INSRR: variants seen among roughly 807,000 people sequenced by gnomAD.
The protein encoded by INSRR is insulin receptor related receptor, also known as insulin receptor-related protein.
INSRR carries 114 observed loss-of-function variants against 130.0 expected under a neutral mutation model. That is an observed-to-expected ratio of 0.88 (90% CI 0.75 to 1.02). The LOEUF is 1.02. Among genes scored for constraint, INSRR ranks in the 50% least tolerant of loss-of-function variants. The pLI is 0.00. For missense variants in INSRR, 1,657 were observed against 1,735.2 expected (o/e 0.95, Z 0.80); for synonymous variants, 674 against 705.2 (o/e 0.96, Z 0.70).
chr1:156,846,792 A>C, intron 7 of INSRR, 35 bp from the exon 8 acceptor site: 1 of 1,543,296 alleles, frequency 6.5e-7, no homozygotes, highest in Non-Finnish European at 9.0e-7. Context: ...GGGGTCATTC[A>C]ACCCCACCCT....
intron 19 of INSRR, 134 bp from the exon 20 acceptor site, chr1:156,841,928 G>A (rs1345939366): frequency 1.3e-6 from 2 of 1,557,836 alleles, no homozygotes; most frequent in Admixed American, 3.4e-5. Flanking sequence ...GGGCTCAATG[G>A]ACCTCAGAAC....
Position 156,841,763 on chromosome 1 carries a change from T to C in INSRR, c.3429A>G (p.Thr1143=), listed in dbSNP as rs1654795216. Residue 1143 remains threonine, a synonymous_variant, in exon 20 of 22, where the codon ACA becomes ACG. Transcript: ENST00000368195. ...CCTTCCCACCCTTGCGGTAATAGTC[T>C]GTCTCATACACGTCCCGAGTCATCC... The part of the protein sequence containing the change: ...DFGMTRDVYE[T]DYYRKGGKGL... 1.2e-6 allele frequency: 2 copies of C among 1,613,948 alleles called. No homozygotes were observed. Among genetic ancestry groups the C allele is most frequent in the African/African-American group, 1.3e-5 (1 of 74,888 alleles).
In INSRR at chr1:156,845,778, A is replaced by C. The variant is rs774395052; in HGVS notation, c.2015T>G (p.Phe672Cys). 9.9e-6 allele frequency: 16 copies of C among 1,613,032 alleles called. No individual in the cohort carries two copies. The highest frequency in any genetic ancestry group is 1.4e-5 in the Non-Finnish European group (16 of 1,179,904). Residue 672 changes from phenylalanine to cysteine, a missense_variant, in exon 10 of 22, where the codon TTC becomes TGC. Physicochemically the swap from Phe to Cys is radical, Grantham distance 205. Coordinates refer to ENST00000368195, the MANE Select transcript of INSRR (RefSeq NM_014215.3). ...CTCAGGATCCCCGTCTTCGCCGTCG[A>C]AGCGCGGATCGTTGTTGCTGGTGGG... is the stretch of plus-strand genomic sequence containing the variant. ...RLPTSNNDPRFDGEDGDPEAE... is the reference protein window; with the variant it reads ...RLPTSNNDPRCDGEDGDPEAE...
In INSRR at chr1:156,857,252, G is replaced by A. The variant is rs548403768; in HGVS notation, c.85+1285C>T. ...ACGCAGATACACACACAAAAAAGAG[G>A]GAGAGAGAATGAGAAAACACTTCTA... On this transcript the variant is annotated intron_variant, in intron 1 of 21. Coordinates refer to ENST00000368195, the MANE Select transcript of INSRR (RefSeq NM_014215.3). 3.2e-3 allele frequency among the ~76,000 whole-genome samples: 470 copies of A among 147,972 alleles called. 2 individuals are homozygous for A. The highest frequency in any genetic ancestry group is 0.023 in the South Asian group (104 of 4,520).
At position 156,851,760 on chromosome 1, in the gene INSRR, A is replaced by T. The variant is rs1238459570; in HGVS notation, c.970T>A (p.Cys324Ser). 11 of 1,612,640 alleles carry T rather than the reference A, an allele frequency of 6.8e-6. No individual in the cohort carries two copies. Among genetic ancestry groups the T allele is most frequent in the Non-Finnish European group, 8.5e-6 (10 of 1,178,896 alleles). The change falls in exon 4 of 22, where the codon TGC becomes AGC. Residue 324 changes from cysteine to serine, a missense_variant. Cys to Ser is a moderately radical substitution (Grantham distance 112, BLOSUM62 -1). Transcript: ENST00000368195. ...GTGCCTACCTTGCACTCTTTAGGGC[A>T]CAGCCCCTCGCACTTGTGGCAGAAT... Reference protein sequence around the residue: ...SIFCHKCEGLCPKECKVGTKT... With the variant: ...SIFCHKCEGLSPKECKVGTKT...
Position 156,851,210 on chromosome 1 carries a change from C to A in INSRR, c.1229+80G>T, listed in dbSNP as rs753437544. The A allele has an allele frequency of 3.2e-6, 5 of 1,558,796 alleles. No homozygotes were observed. The South Asian group carries it at 5.6e-5, about 17-fold the overall frequency. On this transcript the variant is annotated intron_variant, in intron 5 of 21. Coordinates refer to ENST00000368195, the MANE Select transcript of INSRR (RefSeq NM_014215.3). ...GTGAGTAGCAAAATTGGTTCCAGAG[C>A]CCATTCTCTTCACCACTGTTCTGGG...
Position 156,858,510 on chromosome 1 carries a change from G to A in INSRR, c.85+27C>T, listed in dbSNP as rs773834099. 4 of 1,590,030 alleles carry A rather than the reference G, an allele frequency of 2.5e-6. No individual in the cohort carries two copies. In the East Asian group the frequency reaches 8.9e-5, roughly 36 times the overall value. ...CCAGCTGGCTGGGAGGGAGGTAGGGGTCTGGGAGCCAGTTCTGGGGACTCA... is the reference window on the plus strand; with the variant it reads ...CCAGCTGGCTGGGAGGGAGGTAGGGATCTGGGAGCCAGTTCTGGGGACTCA... On this transcript the variant is annotated intron_variant, in intron 1 of 21. Transcript: ENST00000368195.
In INSRR at chr1:156,854,208, A is replaced by T. The variant is rs931128844; in HGVS notation, c.181T>A (p.Phe61Ile). 7 of 1,613,938 alleles carry T rather than the reference A, an allele frequency of 4.3e-6. No individual in the cohort carries two copies. Among genetic ancestry groups the T allele is most frequent in the African/African-American group, 1.3e-5 (1 of 74,940 alleles). ...CGGAAGTCCTCCCCGGTGGCTGTGA[A>T]CATGAGCAGGATCTGCAGGTGGCCC... is the stretch of plus-strand genomic sequence containing the variant. ...VEGHLQILLM[F>I]TATGEDFRGL... is the part of the protein sequence containing the mutation. Residue 61 changes from phenylalanine (F) to isoleucine (I), a missense_variant, in exon 2 of 22, where the codon TTC becomes ATC. Transcript: ENST00000368195. This position sits in a 1 kb window ranked among gnomAD's most constrained non-coding sequence, Gnocchi z 4.2.
In INSRR at chr1:156,840,313, T is replaced by G. The variant is rs1387543314; in HGVS notation, c.*560A>C. ...GGCAGGGCAAAAGGAGAGGAGGAGG[T>G]GAGGGCGGGCAGGCTGGGAACCACT... is the stretch of plus-strand genomic sequence containing the variant. On this transcript the variant is annotated 3_prime_UTR_variant, in exon 22 of 22. Transcript: ENST00000368195. The G allele has an allele frequency of 4.4e-5, 7 of 157,500 alleles. No individual in the cohort carries two copies. Among genetic ancestry groups the G allele is most frequent in the African/African-American group, 9.8e-5 (4 of 40,890 alleles). 9.8% of individuals were successfully genotyped at this position (157,500 alleles called of 1,614,324 possible).
chr1:156,843,153 C>A lies in INSRR; in HGVS notation c.2977G>T (p.Val993Leu), dbSNP rs1571657350. The stretch of plus-strand genomic sequence containing the variant: ...AGTCCTCGTGCCAGCCCCTCATATA[C>A]CATCCCAAAAGAGCCCTGGCCCAGT... ...RELGQGSFGM[V>L]YEGLARGLEA... is the part of the protein sequence containing the mutation. The change falls in exon 17 of 22, where the codon GTA becomes TTA. Residue 993 changes from valine to leucine, a missense_variant. Coordinates refer to ENST00000368195, the MANE Select transcript of INSRR (RefSeq NM_014215.3). 11 of 1,614,158 alleles carry A rather than the reference C, an allele frequency of 6.8e-6. 1 individual carries two copies. In the East Asian group the frequency reaches 2.5e-4, roughly 36 times the overall value.
chr1:156,854,205 T>C lies in INSRR; in HGVS notation c.184A>G (p.Thr62Ala). Residue 62 changes from threonine (T) to alanine (A), a missense_variant, in exon 2 of 22, where the codon ACA becomes GCA. By Grantham distance (58) the Thr-to-Ala change is moderately conservative (BLOSUM62 0). Coordinates refer to ENST00000368195, the MANE Select transcript of INSRR (RefSeq NM_014215.3). This position sits in a 1 kb window ranked among gnomAD's most constrained non-coding sequence, Gnocchi z 4.2. The part of the protein sequence containing the change: ...EGHLQILLMF[T>A]ATGEDFRGLS... ...CCGCGGAAGTCCTCCCCGGTGGCTG[T>C]GAACATGAGCAGGATCTGCAGGTGG... 2 of 1,614,058 alleles carry C rather than the reference T, an allele frequency of 1.2e-6. No individual in the cohort carries two copies. Among genetic ancestry groups the C allele is most frequent in the Non-Finnish European group, 1.7e-6 (2 of 1,180,018 alleles).
intron 2 of INSRR, 30 bp from the exon 3 acceptor site, chr1:156,852,221 G>C (rs750287935): frequency 3.4e-5 from 53 of 1,551,344 alleles, no homozygotes; most frequent in South Asian, 8.6e-5. Flanking sequence ...TTAGACGTTG[G>C]CCATGCCCCC....
At position 156,845,621 on chromosome 1, in the gene INSRR, G is replaced by A. The variant is rs1234997363; in HGVS notation, c.2172C>T (p.Pro724=). 1 of 1,601,750 alleles carries A rather than the reference G, an allele frequency of 6.2e-7. No homozygotes were observed. The highest frequency in any genetic ancestry group is 8.5e-7 in the Non-Finnish European group (1 of 1,174,680). The change falls in exon 10 of 22, where the codon CCC becomes CCT. Residue 724 remains proline (P), a splice_region_variant and synonymous_variant. Transcript: ENST00000368195. The part of the protein sequence containing the change: ...ENFLHNAITI[P]ISPWKVTSIN... The stretch of plus-strand genomic sequence containing the variant: ...CAGGCCGCGCGCGCTCTTCGCACAT[G>A]GGGATGGTGATCGCGTTGTGTAGAA...
In INSRR at chr1:156,858,650, C is replaced by A. The variant is rs532591512; in HGVS notation, c.-29G>T. On this transcript the variant is annotated 5_prime_UTR_variant, in exon 1 of 22. Transcript: ENST00000368195. ...CCCAGCCCTGGCTTGTGTCCAGTCC[C>A]GGCTCTCCTCCCGGTGACTCTGGGG... The A allele has an allele frequency of 3.1e-6, 5 of 1,593,482 alleles. No individual in the cohort carries two copies. Among genetic ancestry groups the A allele is most frequent in the Non-Finnish European group, 4.3e-6 (5 of 1,161,254 alleles).
chr1:156,842,087 C>G, intron 19 of INSRR, 25 bp downstream of exon 19: 1 of 1,613,612 alleles, frequency 6.2e-7, no homozygotes, highest in African/African-American at 1.3e-5. Flanking sequence ...TCAGGCCGCC[C>G]TCATCTGCCT....
chr1:156,850,153 C>T (rs1050444970), intron 5 of INSRR, among the ~76,000 whole-genome samples: 1 of 151,992 alleles, frequency 6.6e-6, no homozygotes, highest in African/African-American at 2.4e-5. Context: ...CCTCCCACCT[C>T]GGCTTGCCAA....
intron 10 of INSRR, 62 bp from the exon 11 acceptor site, chr1:156,845,475 C>T (rs1654962435): frequency 2.0e-6 from 3 of 1,515,554 alleles, no homozygotes; most frequent in Middle Eastern, 2.1e-4. Flanking sequence ...CCCTCTGCAG[C>T]GCGTACCGCC....
At position 156,843,439 on chromosome 1, in the gene INSRR, T is replaced by C. The variant is rs754562798; in HGVS notation, c.2884A>G (p.Ser962Gly). ...LYASVNPEYF[S>G]ASDMYVPDEW... is the part of the protein sequence containing the mutation. ...CTCCCAGACCTACTATCAGAGGCGC[T>C]GAAGTACTCTGGATTCACAGAAGCA... Residue 962 changes from serine (S) to glycine (G), a missense_variant, in exon 16 of 22, where the codon AGC becomes GGC. By Grantham distance (56) the Ser-to-Gly change is moderately conservative (BLOSUM62 0). Coordinates refer to ENST00000368195, the MANE Select transcript of INSRR (RefSeq NM_014215.3). The C allele has an allele frequency of 5.6e-6, 9 of 1,614,064 alleles. No homozygotes were observed. The highest frequency in any genetic ancestry group is 1.3e-5 in the African/African-American group (1 of 74,920).
rs1385295440 is a variant in INSRR, at chr1:156,842,089, C to T, written c.3397+23G>A. 2 of 1,613,740 alleles carry T rather than the reference C, an allele frequency of 1.2e-6. No individual in the cohort carries two copies. On this transcript the variant is annotated intron_variant, in intron 19 of 21. Coordinates refer to ENST00000368195, the MANE Select transcript of INSRR (RefSeq NM_014215.3). ...GTCTCTCTACTTTTCAGGCCGCCCT[C>T]ATCTGCCTGGCACCCTCTGTACCCC...
Sources: allele counts gnomAD v4.1 joint callset (sites outside exome capture counted in the v4.1 genomes callset), GRCh38; gene constraint gnomAD v4.1.1; non-coding constraint Gnocchi (gnomAD v3.1); transcripts MANE v1.5; gene names NCBI Gene and HGNC (gene_info 2026-07-23, HGNC 2026-07-21).